The following TAFA2 variants were observed in gnomAD, a reference collection of about 807,000 sequenced individuals.
TAFA2 encodes the protein TAFA chemokine like family member 2.
In TAFA2, 7 loss-of-function variants were observed where a neutral mutation model predicts 18.8. The observed-to-expected ratio is 0.37, with a 90% confidence interval of 0.21 to 0.70. The LOEUF (loss-of-function observed/expected upper bound fraction) is 0.70. Among genes scored for constraint, TAFA2 ranks in the 30% least tolerant of loss-of-function variants. The pLI is 0.53. For synonymous variants in TAFA2, 60 were observed against 54.2 expected, an observed-to-expected ratio of 1.11 and a Z score of -0.47; for missense variants, 122 against 158.1, an observed-to-expected ratio of 0.77 and a Z score of 1.23.
At chr12:61,975,514 C>CGTGTGTGTGT (rs3031098) in intron 1 of TAFA2, among the ~76,000 whole-genome samples, 18,689 of 136,478 alleles carry the variant, frequency 0.14, 1,686 homozygotes, top group South Asian at 0.3. Context: ...CAATAATATT[C>CGTGTGTGTGT]GTGTGTGTGT....
chr12:62,202,895 G>A (rs779937827), intron 1 of TAFA2, among the ~76,000 whole-genome samples: 20 of 127,960 alleles, frequency 1.6e-4, no homozygotes, highest in East Asian at 8.2e-4. Context: ...TGGTGCAATC[G>A]CAGCTCACTG....
intron 1 of TAFA2, among the ~76,000 whole-genome samples, chr12:62,228,018 G>C (rs2062795291): frequency 6.6e-6 from 1 of 151,926 alleles, no homozygotes; most frequent in Admixed American, 6.6e-5. Context: ...TGGCTTTGTA[G>C]TGTATATATT....
At chr12:62,078,640 C>T (rs1469040383) in intron 1 of TAFA2, among the ~76,000 whole-genome samples, 2 of 152,192 alleles carry the variant, frequency 1.3e-5, no homozygotes, top group Non-Finnish European at 2.9e-5. Context: ...GCCTACACAT[C>T]ACTCCTTTTC....
At chr12:61,939,801 C>T (rs1236218158) in intron 1 of TAFA2, among the ~76,000 whole-genome samples, 2 of 152,106 alleles carry the variant, frequency 1.3e-5, no homozygotes, top group African/African-American at 2.4e-5. Context: ...TAAGTTATTG[C>T]CTAAAGTAAG....
chr12:61,775,568 C>A (rs1870222443), intron 2 of TAFA2, among the ~76,000 whole-genome samples: 1 of 151,688 alleles, frequency 6.6e-6, no homozygotes, highest in African/African-American at 2.4e-5. Flanking sequence ...CTGTATAATT[C>A]CAACTATATG....
intron 1 of TAFA2, among the ~76,000 whole-genome samples, chr12:62,046,050 A>C (rs932401654): frequency 5.9e-5 from 9 of 152,160 alleles, no homozygotes; most frequent in Non-Finnish European, 7.4e-5. Flanking sequence ...CTAGAGAAAT[A>C]AGAGGCCCCA....
At chr12:61,762,633 T>TATA (rs1555162980) in intron 2 of TAFA2, among the ~76,000 whole-genome samples, 41,252 of 147,368 alleles carry the variant, frequency 0.28, 5,975 homozygotes, top group South Asian at 0.35. Flanking sequence ...ATTTCATTTT[T>TATA]TATATATATA....
intron 2 of TAFA2, among the ~76,000 whole-genome samples, chr12:61,795,684 C>T (rs925235918): frequency 4.0e-5 from 6 of 150,396 alleles, no homozygotes; most frequent in Admixed American, 1.3e-4. Flanking sequence ...ATGTAACAAA[C>T]CTGCATGTTG....
chr12:62,199,910 A>G (rs1161039174), intron 1 of TAFA2, among the ~76,000 whole-genome samples: 4 of 152,174 alleles, frequency 2.6e-5, no homozygotes, highest in African/African-American at 9.7e-5. Context: ...CAACCTCAAC[A>G]GCATCTGTTG....
intron 1 of TAFA2, among the ~76,000 whole-genome samples, chr12:62,099,852 G>C (rs1592334605): frequency 6.6e-6 from 1 of 152,104 alleles, no homozygotes; most frequent in African/African-American, 2.4e-5. Flanking sequence ...TTCAGCCTAA[G>C]AGATGGATCT....
chr12:61,837,822 T>C (rs1872998184), intron 2 of TAFA2, among the ~76,000 whole-genome samples: 1 of 152,142 alleles, frequency 6.6e-6, no homozygotes, highest in East Asian at 1.9e-4. Context: ...ATAAGCATTA[T>C]GAAGAAGTGC....
At chr12:62,127,725 C>T (rs1232352139) in intron 1 of TAFA2, among the ~76,000 whole-genome samples, 1 of 151,870 alleles carries the variant, frequency 6.6e-6, no homozygotes, top group Admixed American at 6.6e-5. Flanking sequence ...TGTGTCTCTG[C>T]CACATTCTAG....
Position 62,143,279 on chromosome 12 carries a change from A to C in TAFA2, c.-2+47980T>G, listed in dbSNP as rs117344813. On this transcript the variant is annotated intron_variant, in intron 1 of 4. Transcript: ENST00000416284. ...AAAAATGCTAACCCCCTTCAGCAGA[A>C]GAATCCCCCATGGATGAGTAGTCAA... Among the ~76,000 whole-genome samples, 924 of 152,354 alleles carry C rather than the reference A, an allele frequency of 6.1e-3. 5 individuals are homozygous for C. The highest frequency in any genetic ancestry group is 0.017 in the Middle Eastern group (5 of 294).
rs929085122 is a variant in TAFA2, at chr12:62,192,320, A to G, written c.-1063T>C. On this transcript the variant is annotated 5_prime_UTR_variant, in exon 1 of 5. Coordinates refer to ENST00000416284, the MANE Select transcript of TAFA2 (RefSeq NM_178539.5). ...CAGTGCCCTGGCACCGTCACCACCG[A>G]GGAGGTGCGAGTTCCAACATCGAAC... is the stretch of plus-strand genomic sequence containing the variant. 2 of 152,156 alleles carry G rather than the reference A, an allele frequency of 1.3e-5. No individual in the cohort carries two copies. The highest frequency in any genetic ancestry group is 4.8e-5 in the African/African-American group (2 of 41,422). 9.4% of individuals were successfully genotyped at this position (152,156 alleles called of 1,614,324 possible). A position where few individuals can be genotyped will look rare whatever the true frequency, so the allele number is the denominator to read the frequency against.
intron 1 of TAFA2, among the ~76,000 whole-genome samples, chr12:62,080,312 A>G (rs1868299498): frequency 6.6e-6 from 1 of 152,246 alleles, no homozygotes; most frequent in South Asian, 2.1e-4. Context: ...AGGCTTATCA[A>G]GGATGTTTTT....
rs527656612 is a variant in TAFA2, at chr12:62,214,190, C to A, written c.-130+44573G>T. Among the ~76,000 whole-genome samples the A allele has an allele frequency of 7.2e-4, 109 of 152,306 alleles. 1 individual carries two copies. Among genetic ancestry groups the A allele is most frequent in the African/African-American group, 2.5e-3 (104 of 41,570 alleles). On this transcript the variant is annotated intron_variant, in intron 1 of 5. Transcript: ENST00000551619. ...TAAGAGGCTGACTTATGGCCCCTAA[C>A]CCCAATATGGTTTGGCTGTATGCCC...
chr12:61,750,038 G>A (rs868500318), intron 4 of TAFA2, among the ~76,000 whole-genome samples: 5 of 151,188 alleles, frequency 3.3e-5, no homozygotes, highest in South Asian at 2.1e-4. Flanking sequence ...GTTTTTTTCC[G>A]ATGATTTCAA....
intron 4 of TAFA2, among the ~76,000 whole-genome samples, chr12:61,736,444 A>G (rs1868305744): frequency 6.6e-6 from 1 of 152,000 alleles, no homozygotes; most frequent in Non-Finnish European, 1.5e-5. Context: ...TGAATTTGGT[A>G]TTGATGAGTC....
intron 1 of TAFA2, among the ~76,000 whole-genome samples, chr12:61,941,029 G>A (rs1011268563): frequency 1.6e-4 from 24 of 152,160 alleles, no homozygotes; most frequent in African/African-American, 5.1e-4. Context: ...ATCTGATTCA[G>A]TTATTTCAAA....
Sources: allele counts gnomAD v4.1 joint callset (sites outside exome capture counted in the v4.1 genomes callset), GRCh38; gene constraint gnomAD v4.1.1; transcripts MANE v1.5; gene names NCBI Gene and HGNC (gene_info 2026-07-23, HGNC 2026-07-21).